MARK2: variants seen among roughly 807,000 people sequenced by gnomAD.
MARK2 encodes microtubule affinity regulating kinase 2.
Under a neutral mutation model 89.8 loss-of-function variants are expected in MARK2, and 16 were observed. The observed-to-expected ratio is 0.18, with a 90% CI of 0.12 to 0.27. The LOEUF (loss-of-function observed/expected upper bound fraction) is 0.27, where lower values mean the gene tolerates loss of function less well. Among genes scored for constraint, MARK2 ranks in the 10% least tolerant of loss-of-function variants. MARK2 has a pLI of 1.00. For synonymous variants in MARK2, 382 were observed against 399.5 expected (o/e 0.96, Z 0.52); for missense variants, 621 against 1,049.9 (o/e 0.59, Z 5.65).
intron 1 of MARK2, among the ~76,000 whole-genome samples, chr11:63,849,029 G>C (rs1443729779): frequency 6.6e-6 from 1 of 152,062 alleles, no homozygotes; most frequent in African/African-American, 2.4e-5. Flanking sequence ...TTAAGAGACA[G>C]GGTCTCACCC....
intron 1 of MARK2, among the ~76,000 whole-genome samples, chr11:63,860,870 AAAC>A (rs1377654198): frequency 1.3e-5 from 2 of 152,026 alleles, no homozygotes; most frequent in African/African-American, 2.4e-5. Context: ...TGAAAAAAAA[AAAC>A]AAAAACAAAA....
intron 1 of MARK2, among the ~76,000 whole-genome samples, chr11:63,846,058 G>A (rs544579232): frequency 6.6e-6 from 1 of 152,196 alleles, no homozygotes; most frequent in Non-Finnish European, 1.5e-5. Context: ...TAGTACAGCT[G>A]ATTCTAAACA....
chr11:63,908,595 T>G (rs11231637), intron 18 of MARK2, among the ~76,000 whole-genome samples: 59,679 of 152,012 alleles, frequency 0.39, 12,258 homozygotes, highest in South Asian at 0.53. Flanking sequence ...CTCGGAGGCT[T>G]CTTTCTGGAG....
chr11:63,896,014 T>C (rs1482733831), intron 3 of MARK2, among the ~76,000 whole-genome samples: 1 of 152,176 alleles, frequency 6.6e-6, no homozygotes, highest in Non-Finnish European at 1.5e-5. Flanking sequence ...AATGATCTAC[T>C]GACCCCATTT....
At chr11:63,895,468 G>T in intron 2 of MARK2, 112 bp from the exon 3 acceptor site, 1 of 1,424,074 alleles carries the variant, frequency 7.0e-7, no homozygotes, top group East Asian at 2.3e-5. Flanking sequence ...ATATAGGGGT[G>T]CAAAAAGCTG....
chr11:63,885,605 C>T (rs182796382), intron 1 of MARK2, among the ~76,000 whole-genome samples: 12 of 148,238 alleles, frequency 8.1e-5, no homozygotes, highest in African/African-American at 2.7e-4. Context: ...GAGGCTGGGG[C>T]GGGTGGATTA....
chr11:63,890,823 A>G (rs1939789150), intron 1 of MARK2, among the ~76,000 whole-genome samples: 3 of 152,234 alleles, frequency 2.0e-5, no homozygotes. Context: ...CTACCTGTGT[A>G]AAGTAGGGAA....
At chr11:63,898,195 G>C (rs1158792684) in intron 3 of MARK2, 37 bp from the exon 4 acceptor site, 1 of 1,598,176 alleles carries the variant, frequency 6.3e-7, no homozygotes, top group Admixed American at 1.7e-5. Flanking sequence ...ATGGGAGCAA[G>C]TTGGGCAGGC....
rs937011606 is a variant in MARK2 at position 63,907,062 on chromosome 11, C to T, written c.1961+948C>T. On this transcript the variant is annotated intron_variant, in intron 17 of 18. Coordinates refer to ENST00000402010, the MANE Select transcript of MARK2 (RefSeq NM_001039469.3). The stretch of plus-strand genomic sequence containing the variant: ...TTTCACCCCTGGCCTTATGCTCATC[C>T]TCTCTGCAGGCCTCGGGGACCAAAT... Among the ~76,000 whole-genome samples the T allele has an allele frequency of 2.0e-5, 3 of 152,254 alleles. No individual in the cohort carries two copies. In the East Asian group the frequency reaches 5.8e-4, roughly 30 times the overall value.
At chr11:63,851,342 A>T (rs1274728481) in intron 1 of MARK2, among the ~76,000 whole-genome samples, 3 of 152,000 alleles carry the variant, frequency 2.0e-5, no homozygotes, top group African/African-American at 7.2e-5. Flanking sequence ...GGCATAGTGG[A>T]GGCTGAGGCA....
intron 1 of MARK2, among the ~76,000 whole-genome samples, chr11:63,859,731 A>G (rs1303149100): frequency 6.6e-6 from 1 of 151,666 alleles, no homozygotes; most frequent in Non-Finnish European, 1.5e-5. Flanking sequence ...TCCCAGATTC[A>G]AGCAAATCTC....
Position 63,900,284 on chromosome 11 carries a change from C to A in MARK2, c.768+174C>A, listed in dbSNP as rs1310764162. On this transcript the variant is annotated intron_variant, in intron 8 of 18. Transcript: ENST00000402010. This position sits in a 1 kb window ranked among gnomAD's most constrained non-coding sequence, Gnocchi z 4.7. ...TTCTGCACCTGGGAATGAATAACCTCAGTTCCTTTCTCGAAAGATGGGATA... is the reference window on the plus strand; with the variant it reads ...TTCTGCACCTGGGAATGAATAACCTAAGTTCCTTTCTCGAAAGATGGGATA... Among the ~76,000 whole-genome samples, 1 of 152,196 alleles carries A rather than the reference C, an allele frequency of 6.6e-6. No homozygotes were observed. Among genetic ancestry groups the A allele is most frequent in the Non-Finnish European group, 1.5e-5 (1 of 68,040 alleles).
intron 1 of MARK2, among the ~76,000 whole-genome samples, chr11:63,868,172 G>C (rs1169926834): frequency 3.3e-5 from 5 of 152,070 alleles, no homozygotes; most frequent in Non-Finnish European, 2.9e-5. Flanking sequence ...TGGGCAGATT[G>C]CTTGAGTCCA....
intron 1 of MARK2, among the ~76,000 whole-genome samples, chr11:63,846,457 G>A (rs1402298999): frequency 6.6e-6 from 1 of 151,576 alleles, no homozygotes; most frequent in African/African-American, 2.4e-5. Flanking sequence ...CCGGATTCAA[G>A]TGATTCTCCT....
chr11:63,885,221 A>C (rs1351763258), intron 1 of MARK2, among the ~76,000 whole-genome samples: 1 of 152,112 alleles, frequency 6.6e-6, no homozygotes, highest in Non-Finnish European at 1.5e-5. Context: ...GGGACTTGCC[A>C]CAGGCACATG....
rs749697940 is a variant in MARK2, at chr11:63,904,835, A to G, written c.1726A>G (p.Ser576Gly). The change falls in exon 16 of 19, where the codon AGC becomes GGC. Residue 576 changes from serine to glycine, a missense_variant. By Grantham distance (56) the Ser-to-Gly change is moderately conservative. Transcript: ENST00000402010. The surrounding 1 kb of genome is among the most constrained non-coding windows in gnomAD (Gnocchi z 6.3). ...TGCCTCCCCATCCGCCCACAACATC[A>G]GCAGCAGTGGTGGAGCCCCAGACCG... is the stretch of plus-strand genomic sequence containing the variant. ...PVASPSAHNI[S>G]SSGGAPDRTN... is the part of the protein sequence containing the mutation. 1 of 1,613,996 alleles carries G rather than the reference A, an allele frequency of 6.2e-7. No individual in the cohort carries two copies. Among genetic ancestry groups the G allele is most frequent in the Non-Finnish European group, 8.5e-7 (1 of 1,179,966 alleles).
chr11:63,887,056 G>A (rs1287056166), intron 1 of MARK2, among the ~76,000 whole-genome samples: 2 of 152,224 alleles, frequency 1.3e-5, no homozygotes, highest in Non-Finnish European at 2.9e-5. Context: ...GGACCACTGG[G>A]ATAGGCCTTT....
At position 63,899,085 on chromosome 11, in the gene MARK2, T is replaced by C. The variant is rs1221325228; in HGVS notation, c.508T>C (p.Phe170Leu). ...VSAVQYCHQK[F>L]IVHRDLKAEN... ...TGCTGTGCAGTACTGTCACCAGAAG[T>C]TTATTGTCCATAGAGACTTAAAGGT... The change falls in exon 7 of 19, where the codon TTT (phenylalanine) becomes CTT (leucine). Residue 170 changes from phenylalanine to leucine, a missense_variant. Phe to Leu is a conservative substitution (Grantham distance 22). Transcript: ENST00000402010. 1 of 1,612,240 alleles carries C rather than the reference T, an allele frequency of 6.2e-7. No individual in the cohort carries two copies. Among genetic ancestry groups the C allele is most frequent in the Admixed American group, 1.7e-5 (1 of 59,994 alleles).
chr11:63,908,842 C>CT (rs1554988760), intron 18 of MARK2, 35 bp from the exon 19 acceptor site: 22 of 1,323,196 alleles, frequency 1.7e-5, no homozygotes, highest in South Asian at 5.3e-5. Context: ...GGTGCCTCAG[C>CT]CCCCCCGTGA....
Sources: gnomAD v4.1 joint callset for allele counts (sites outside exome capture counted in the v4.1 genomes callset) on GRCh38, gnomAD v4.1.1 for gene constraint, Gnocchi (gnomAD v3.1) non-coding constraint, MANE v1.5 for transcripts, NCBI Gene and HGNC (gene_info 2026-07-23, HGNC 2026-07-21) for gene names.